The following PIK3CD variants were observed in gnomAD, a reference collection of about 807,000 sequenced individuals.
PIK3CD encodes phosphatidylinositol 4,5-bisphosphate 3-kinase catalytic subunit delta isoform.
PIK3CD carries 20 observed loss-of-function variants against 122.9 expected under a neutral mutation model. The ratio of observed to expected loss-of-function variants is 0.16; its 90% CI spans 0.11 to 0.24. The LOEUF (loss-of-function observed/expected upper bound fraction) is 0.24, where lower values mean the gene tolerates loss of function less well. PIK3CD is among the 10% of genes least tolerant of loss of function. PIK3CD has a pLI of 1.00. For missense variants in PIK3CD, 787 were observed against 1,406.3 expected (o/e 0.56, Z 7.04); for synonymous variants, 596 against 593.4 (o/e 1.00, Z -0.06).
intron 2 of PIK3CD, among the ~76,000 whole-genome samples, chr1:9,701,601 G>A (rs1324337579): frequency 3.3e-5 from 5 of 151,428 alleles, no homozygotes; most frequent in South Asian, 2.1e-4. Flanking sequence ...CCTGGGAGGC[G>A]GGGATTGCAG....
chr1:9,700,155 CAG>C lies in PIK3CD; in HGVS notation c.-33+8587_-33+8588del, dbSNP rs1354754986. On this transcript the variant is annotated intron_variant, in intron 2 of 23. Transcript: ENST00000377346. The surrounding 1 kb of genome is among the most constrained non-coding windows in gnomAD (Gnocchi z 5.1). Reference sequence around the variant, plus strand: ...AATATTTATTTATTGATTTTTGAGACAGAGTCTCACTCTTGCCCAGGCTGGAA... The same window carrying C: ...AATATTTATTTATTGATTTTTGAGACAGTCTCACTCTTGCCCAGGCTGGAA... Among the ~76,000 whole-genome samples, 1 of 152,128 alleles carries C rather than the reference CAG, an allele frequency of 6.6e-6. No homozygotes were observed. Among genetic ancestry groups the C allele is most frequent in the African/African-American group, 2.4e-5 (1 of 41,416 alleles).
chr1:9,642,094 T>TTTAA, the PIK3CD span, among the ~76,000 whole-genome samples: 3 of 151,192 alleles, frequency 2.0e-5, no homozygotes, highest in African/African-American at 7.3e-5. Flanking sequence ...CTGTTCTATT[T>TTTAA]TTTAATTTAA....
chr1:9,690,392 T>C (rs1646157332), intron 1 of PIK3CD, among the ~76,000 whole-genome samples: 1 of 152,236 alleles, frequency 6.6e-6, no homozygotes, highest in South Asian at 2.1e-4. Context: ...TGAAAGGGCT[T>C]TCCTTATGAT....
the PIK3CD span, among the ~76,000 whole-genome samples, chr1:9,646,707 C>G: frequency 1.1e-3 from 172 of 152,076 alleles, 2 homozygotes; most frequent in Middle Eastern, 0.01. Flanking sequence ...GGTCCCAGCA[C>G]TTTGGGAGGC....
In PIK3CD at chr1:9,707,308, G is replaced by GTAAA. The variant is rs200213898; in HGVS notation, c.-32-3114_-32-3111dup. Among the ~76,000 whole-genome samples, 753 of 149,960 alleles carry GTAAA rather than the reference G, an allele frequency of 5.0e-3. 17 individuals are homozygous for GTAAA. The highest frequency in any genetic ancestry group is 0.044 in the East Asian group (224 of 5,132). Reference sequence around the variant, plus strand: ...TTCATCTTCATCAACAAGAGAGAGGGTAAATTGTGGTTTCTTTTTTTTTTT... The same window carrying GTAAA: ...TTCATCTTCATCAACAAGAGAGAGGGTAAATAAATTGTGGTTTCTTTTTTTTTTT... On this transcript the variant is annotated intron_variant, in intron 2 of 23. Transcript: ENST00000377346.
Position 9,717,165 on chromosome 1 carries a change from C to T in PIK3CD, c.930+57C>T. 6.3e-7 allele frequency: 1 copy of T among 1,597,876 alleles called. No individual in the cohort carries two copies. The stretch of plus-strand genomic sequence containing the variant: ...CCACCCCTTCTTTCCACCTGGCGTC[C>T]AACTCCATGTGCTACTGGCCATGGG... On this transcript the variant is annotated intron_variant, in intron 7 of 23. Coordinates refer to ENST00000377346, the MANE Select transcript of PIK3CD (RefSeq NM_005026.5). This position sits in a 1 kb window ranked among gnomAD's most constrained non-coding sequence, Gnocchi z 5.4.
In PIK3CD at chr1:9,658,521, ATTTTTT is replaced by A. The variant is rs1165670404; in HGVS notation, c.-138+6737_-138+6742del. Among the ~76,000 whole-genome samples, 8 of 91,178 alleles carry A rather than the reference ATTTTTT, an allele frequency of 8.8e-5. No individual in the cohort carries two copies. In the East Asian group the frequency reaches 2.0e-3, roughly 23 times the overall value. 59.8% of individuals were successfully genotyped at this position (91,178 alleles called of 152,430 possible). A position where few individuals can be genotyped will look rare whatever the true frequency, so the allele number is the denominator to read the frequency against. ...CTGAACTGGGTTTTTTCCCAGCCAC[ATTTTTT>A]TTTTTTTTTTTTTTTTTGGTGAGGC... is the stretch of plus-strand genomic sequence containing the variant. On this transcript the variant is annotated intron_variant, in intron 1 of 23. Transcript: ENST00000377346.
chr1:9,727,305 TCACCC>T lies in PIK3CD; in HGVS notation c.*262_*266del. 1.9e-6 allele frequency: 1 copy of T among 533,226 alleles called. No individual in the cohort carries two copies. The highest frequency in any genetic ancestry group is 3.4e-6 in the Non-Finnish European group (1 of 295,264). 33.0% of individuals were successfully genotyped at this position (533,226 alleles called of 1,614,324 possible). A position where few individuals can be genotyped will look rare whatever the true frequency, so the allele number is the denominator to read the frequency against. ...GCACCTGGCTCTCGGCTGAGGATTG[TCACCC>T]CAAGTCTTCCAGCTGGTGGATCTGG... On this transcript the variant is annotated 3_prime_UTR_variant, in exon 24 of 24. Transcript: ENST00000377346.
chr1:9,648,013 T>G (rs188382092), upstream of PIK3CD, among the ~76,000 whole-genome samples: 1 of 152,338 alleles, frequency 6.6e-6, no homozygotes, highest in East Asian at 1.9e-4. Context: ...TACTCTTAAG[T>G]TAATTAGTTT....
intron 5 of PIK3CD, 167 bp from the exon 6 acceptor site, chr1:9,716,273 C>T (rs1310091577): frequency 1.4e-5 from 11 of 810,532 alleles, no homozygotes; most frequent in African/African-American, 6.8e-5. Flanking sequence ...AACCAAGTGG[C>T]GTGGGGCATT....
intron 1 of PIK3CD, among the ~76,000 whole-genome samples, chr1:9,661,410 A>G (rs777613278): frequency 6.6e-6 from 1 of 151,684 alleles, no homozygotes; most frequent in Non-Finnish European, 1.5e-5. Flanking sequence ...CTTTTTCCTT[A>G]TAGGGTCTCA....
Position 9,704,187 on chromosome 1 carries a change from G to C in PIK3CD, c.-32-6237G>C, listed in dbSNP as rs563995489. On this transcript the variant is annotated intron_variant, in intron 2 of 23. Coordinates refer to ENST00000377346, the MANE Select transcript of PIK3CD (RefSeq NM_005026.5). This position sits in a 1 kb window ranked among gnomAD's most constrained non-coding sequence, Gnocchi z 5.0. Reference sequence around the variant, plus strand: ...GACCTGGCATTTGATGTCCTGTGCAGACCAGTCTGATACTTTCTGTATTAG... The same window carrying C: ...GACCTGGCATTTGATGTCCTGTGCACACCAGTCTGATACTTTCTGTATTAG... Among the ~76,000 whole-genome samples, 17 of 152,278 alleles carry C rather than the reference G, an allele frequency of 1.1e-4. No homozygotes were observed. The highest frequency in any genetic ancestry group is 2.6e-4 in the Admixed American group (4 of 15,292).
At chr1:9,650,497 G>A (rs540405309), upstream of PIK3CD, among the ~76,000 whole-genome samples, 7 of 152,052 alleles carry the variant, frequency 4.6e-5, no homozygotes, top group Admixed American at 2.6e-4. Context: ...CGTGGCGTGT[G>A]CCTGTAATCC....
chr1:9,710,186 A>C lies in PIK3CD; in HGVS notation c.-32-238A>C, dbSNP rs1646992413. The C allele has an allele frequency of 2.0e-6, 1 of 499,950 alleles. No homozygotes were observed. The highest frequency in any genetic ancestry group is 1.9e-5 in the African/African-American group (1 of 51,538). 31.0% of individuals were successfully genotyped at this position (499,950 alleles called of 1,614,324 possible). On this transcript the variant is annotated intron_variant, in intron 2 of 23. Transcript: ENST00000377346. This position sits in a 1 kb window ranked among gnomAD's most constrained non-coding sequence, Gnocchi z 4.7. Reference sequence around the variant, plus strand: ...CTGTGCGTGCTCCTGTGGGGAGGACATGCAGTGTCTGCCTGGGAGAAGAGG... The same window carrying C: ...CTGTGCGTGCTCCTGTGGGGAGGACCTGCAGTGTCTGCCTGGGAGAAGAGG...
the PIK3CD span, among the ~76,000 whole-genome samples, chr1:9,642,082 T>G: frequency 6.7e-6 from 1 of 149,914 alleles, no homozygotes; most frequent in Non-Finnish European, 1.5e-5. Flanking sequence ...GACACTGTCT[T>G]TCTGTTCTAT....
In PIK3CD at chr1:9,692,286, C is replaced by T. The variant is rs190934245; in HGVS notation, c.-33+715C>T. Among the ~76,000 whole-genome samples, 12 of 152,250 alleles carry T rather than the reference C, an allele frequency of 7.9e-5. 1 individual carries two copies. The highest frequency in any genetic ancestry group is 3.4e-3 in the Middle Eastern group (1 of 294). Reference sequence around the variant, plus strand: ...TGTGTACCCAGAATTCCACTGGAGACGCTACTGTCATTTCAGGATGGAAAG... The same window carrying T: ...TGTGTACCCAGAATTCCACTGGAGATGCTACTGTCATTTCAGGATGGAAAG... On this transcript the variant is annotated intron_variant, in intron 2 of 23. Transcript: ENST00000377346.
chr1:9,658,600 G>A (rs1447248104), intron 1 of PIK3CD, among the ~76,000 whole-genome samples: 1 of 144,160 alleles, frequency 6.9e-6, no homozygotes, highest in African/African-American at 2.6e-5. Context: ...TGGGATCTTG[G>A]CTCACTGCAA....
At chr1:9,714,886 G>A (rs1268258279) in intron 3 of PIK3CD, among the ~76,000 whole-genome samples, 1 of 152,032 alleles carries the variant, frequency 6.6e-6, no homozygotes, top group Non-Finnish European at 1.5e-5. Flanking sequence ...TAAAAATCAG[G>A]GTTGCCAGGC....
intron 1 of PIK3CD, chr1:9,672,408 G>A (rs1645358159): frequency 6.6e-6 from 1 of 152,072 alleles, no homozygotes; most frequent in South Asian, 2.1e-4. Flanking sequence ...GACACAATTA[G>A]GATGAGAAAT....
Sources: allele counts gnomAD v4.1 joint callset (sites outside exome capture counted in the v4.1 genomes callset), GRCh38; gene constraint gnomAD v4.1.1; non-coding constraint Gnocchi (gnomAD v3.1); transcripts MANE v1.5; gene names NCBI Gene and HGNC (gene_info 2026-07-23, HGNC 2026-07-21).